UGT1A7: variants seen among roughly 807,000 people sequenced by gnomAD.
UGT1A7 encodes UDP glucuronosyltransferase family 1 member A7, also known as UDP-glucuronosyltransferase 1A7.
In UGT1A7, 33 loss-of-function variants were observed where a neutral mutation model predicts 45.6. The ratio of observed to expected loss-of-function variants is 0.72; its 90% CI spans 0.55 to 0.97. UGT1A7 has a LOEUF of 0.97. UGT1A7 is among the 50% of genes least tolerant of loss of function. The pLI, the probability that UGT1A7 is intolerant of heterozygous loss-of-function variation, is 0.00. For missense variants in UGT1A7, 684 were observed against 666.2 expected (o/e 1.03, Z -0.29); for synonymous variants, 274 against 250.6 (o/e 1.09, Z -0.88).
At chr2:233,761,273 T>A (rs748388612) in intron 1 of UGT1A7, 95 of 1,579,546 alleles carry the variant, frequency 6.0e-5, no homozygotes, top group Non-Finnish European at 8.1e-5. Context: ...ATGCCCTCTT[T>A]TGTTAATTTT....
At chr2:233,703,805 ATCTCTG>A in intron 1 of UGT1A7, among the ~76,000 whole-genome samples, 1 of 137,048 alleles carries the variant, frequency 7.3e-6, no homozygotes, top group East Asian at 1.9e-4. Context: ...CAGTCTGATA[ATCTCTG>A]TCTTTTAATT....
At chr2:233,723,283 C>G (rs2077074487) in intron 1 of UGT1A7, among the ~76,000 whole-genome samples, 1 of 114,006 alleles carries the variant, frequency 8.8e-6, no homozygotes, top group Non-Finnish European at 1.7e-5. Context: ...GATGTTGGCT[C>G]ACTGCAACCT....
At chr2:233,753,112 C>T (rs1267815033) in intron 1 of UGT1A7, 1 of 152,194 alleles carries the variant, frequency 6.6e-6, no homozygotes, top group African/African-American at 2.4e-5. Context: ...CAAACCCATC[C>T]CCAGCAAACT....
chr2:233,753,154 C>T lies in UGT1A7; in HGVS notation c.856-13880C>T, dbSNP rs369458076. On this transcript the variant is annotated intron_variant, in intron 1 of 4. Transcript: ENST00000373426. The stretch of plus-strand genomic sequence containing the variant: ...TGAGTATCTTCACACATGTAAGTTC[C>T]CTTATCCGGATCACTAAAAAATGAA... 1.2e-4 allele frequency: 18 copies of T among 152,308 alleles called. No homozygotes were observed. The South Asian group carries it at 1.9e-3, about 16-fold the overall frequency. 9.4% of individuals were successfully genotyped at this position (152,308 alleles called of 1,614,324 possible). A position where few individuals can be genotyped will look rare whatever the true frequency, so the allele number is the denominator to read the frequency against.
At position 233,769,564 on chromosome 2, in the gene UGT1A7, A is replaced by G; in HGVS notation, c.1295+1125A>G. 2 of 1,612,876 alleles carry G rather than the reference A, an allele frequency of 1.2e-6. No homozygotes were observed. Among genetic ancestry groups the G allele is most frequent in the Non-Finnish European group, 1.7e-6 (2 of 1,179,838 alleles). Reference sequence around the variant, plus strand: ...AGCAGTCAGGAAGACAGATGTGAAGAGCTGGAGCATGTTCAGATGAGAGGA... The same window carrying G: ...AGCAGTCAGGAAGACAGATGTGAAGGGCTGGAGCATGTTCAGATGAGAGGA... On this transcript the variant is annotated intron_variant, in intron 4 of 4. Transcript: ENST00000373426. The surrounding 1 kb of genome is among the most constrained non-coding windows in gnomAD (Gnocchi z 4.4).
intron 1 of UGT1A7, among the ~76,000 whole-genome samples, chr2:233,694,854 G>A (rs1014624976): frequency 6.6e-6 from 1 of 152,100 alleles, no homozygotes; most frequent in African/African-American, 2.4e-5. Context: ...CTTTTAATTG[G>A]GACATAATAT....
At chr2:233,770,476 A>T (rs1030894944) in intron 4 of UGT1A7, 3 of 152,132 alleles carry the variant, frequency 2.0e-5, no homozygotes, top group African/African-American at 7.2e-5. Flanking sequence ...CAACATGAAG[A>T]AACCTTATCT....
rs377755645 is a variant in UGT1A7, at chr2:233,743,742, C to T, written c.856-23292C>T. The T allele has an allele frequency of 2.5e-5, 34 of 1,367,276 alleles. No homozygotes were observed. In the South Asian group the frequency reaches 3.5e-4, roughly 14 times the overall value. The allele number at this position is 1,367,276 out of a possible 1,614,324, so 84.7% of individuals were successfully genotyped here. On this transcript the variant is annotated intron_variant, in intron 1 of 4. Coordinates refer to ENST00000373426, the MANE Select transcript of UGT1A7 (RefSeq NM_019077.3). ...CGGTCATAGATATCGCGTTTCTTGG[C>T]GTCCGACAACACCTCGTAGGCCTCG...
Position 233,682,666 on chromosome 2 carries a change from T to C in UGT1A7, c.729T>C (p.Asp243=), listed in dbSNP as rs140179150. ...EILQTPVTAY[D]LYSHTSIWLL... is the part of the protein sequence containing the mutation. ...TCCAAACCCCTGTCACGGCATATGA[T>C]CTCTACAGCCACACATCAATTTGGT... Residue 243 remains aspartate, a synonymous_variant, in exon 1 of 5, where the codon GAT becomes GAC. Transcript: ENST00000373426. 1.0e-4 allele frequency: 166 copies of C among 1,613,914 alleles called. No homozygotes were observed. Among genetic ancestry groups the C allele is most frequent in the Middle Eastern group, 8.3e-4 (5 of 6,054 alleles).
At chr2:233,760,765 G>A (rs764212365) in intron 1 of UGT1A7, 4 of 1,614,012 alleles carry the variant, frequency 2.5e-6, no homozygotes, top group Non-Finnish European at 3.4e-6. Flanking sequence ...CAGCCCCATC[G>A]TGGCCCAGTA....
chr2:233,731,474 C>T (rs1441120863), intron 1 of UGT1A7, among the ~76,000 whole-genome samples: 3 of 152,238 alleles, frequency 2.0e-5, no homozygotes, highest in Middle Eastern at 3.4e-3. Context: ...TGTGATGTTC[C>T]CTGGCCTGTG....
intron 1 of UGT1A7, among the ~76,000 whole-genome samples, chr2:233,739,678 T>A (rs1691173919): frequency 6.6e-6 from 1 of 152,240 alleles, no homozygotes; most frequent in Non-Finnish European, 1.5e-5. Context: ...TGGAAGTTAC[T>A]AACTTGTTTT....
chr2:233,716,754 G>C (rs998175744), intron 1 of UGT1A7, among the ~76,000 whole-genome samples: 2 of 152,170 alleles, frequency 1.3e-5, no homozygotes, highest in Non-Finnish European at 2.9e-5. Flanking sequence ...TGGGAGAGGG[G>C]AGCTAGATCA....
chr2:233,737,661 T>A (rs1326139467), intron 1 of UGT1A7, among the ~76,000 whole-genome samples: 2 of 152,214 alleles, frequency 1.3e-5, no homozygotes, highest in Non-Finnish European at 2.9e-5. Context: ...GAGCTGCAGA[T>A]CGGAGCTGTT....
chr2:233,720,513 G>C (rs2076864645), intron 1 of UGT1A7, among the ~76,000 whole-genome samples: 1 of 152,034 alleles, frequency 6.6e-6, no homozygotes, highest in Non-Finnish European at 1.5e-5. Context: ...AGGTGAAGCT[G>C]ATCATATCAC....
At chr2:233,691,459 A>G (rs1559344929) in intron 1 of UGT1A7, 1 of 985,756 alleles carries the variant, frequency 1.0e-6, no homozygotes, top group African/African-American at 1.7e-5. Context: ...CCTGGGCCCC[A>G]GAACACCTCC....
rs1377722142 is a variant in UGT1A7 at position 233,725,198 on chromosome 2, AGAGGCAGAGGCAGAGGCAGAG to A, written c.856-41819_856-41799del. Reference sequence around the variant, plus strand: ...CGTGGGGAGAGGCAGAGGCAGAGGCAGAGGCAGAGGCAGAGGCAGAGGAGGCAGAGGCAGAGGAGGCAGAGG... The same window carrying A: ...CGTGGGGAGAGGCAGAGGCAGAGGCAGAGGCAGAGGCAGAGGAGGCAGAGG... On this transcript the variant is annotated intron_variant, in intron 1 of 4. Coordinates refer to ENST00000373426, the MANE Select transcript of UGT1A7 (RefSeq NM_019077.3). 4.5e-3 allele frequency among the ~76,000 whole-genome samples: 386 copies of A among 86,592 alleles called. 89 individuals carry two copies. Among genetic ancestry groups the A allele is most frequent in the African/African-American group, 0.033 (341 of 10,250 alleles). The allele number at this position is 86,592 out of a possible 152,430, so 56.8% of individuals were successfully genotyped here. A position where few individuals can be genotyped will look rare whatever the true frequency, so the allele number is the denominator to read the frequency against.
At chr2:233,770,541 C>T (rs745905860) in intron 4 of UGT1A7, 1 of 151,870 alleles carries the variant, frequency 6.6e-6, no homozygotes, top group Non-Finnish European at 1.5e-5. Flanking sequence ...GCCTGTAATC[C>T]CAGCTATTTG....
intron 1 of UGT1A7, among the ~76,000 whole-genome samples, chr2:233,686,521 C>A (rs752399800): frequency 6.6e-6 from 1 of 152,196 alleles, no homozygotes; most frequent in South Asian, 2.1e-4. Context: ...CCTCCACCTG[C>A]GTTAGAACCT....
Sources: allele counts gnomAD v4.1 joint callset (sites outside exome capture counted in the v4.1 genomes callset), GRCh38; gene constraint gnomAD v4.1.1; non-coding constraint Gnocchi (gnomAD v3.1); transcripts MANE v1.5; gene names NCBI Gene and HGNC (gene_info 2026-07-23, HGNC 2026-07-21).